ZNF831: variants seen among roughly 807,000 people sequenced by gnomAD.
The protein encoded by ZNF831 is zinc finger protein 831, also known as chromosome 20 open reading frame 174.
In ZNF831, 59 loss-of-function variants were observed where a neutral mutation model predicts 95.8. That is an observed-to-expected ratio of 0.62 (90% CI 0.50 to 0.77). The LOEUF (loss-of-function observed/expected upper bound fraction) is 0.77. ZNF831 is among the 30% of genes least tolerant of loss of function. ZNF831 has a pLI of 0.00. For synonymous variants in ZNF831, 961 were observed against 925.5 expected (o/e 1.04, Z -0.70); for missense variants, 2,205 against 2,164.0 (o/e 1.02, Z -0.38).
chr20:59,163,560 A>C (rs1364324709), upstream of ZNF831, among the ~76,000 whole-genome samples: 1 of 152,082 alleles, frequency 6.6e-6, no homozygotes, highest in Non-Finnish European at 1.5e-5. Context: ...CTCCAGGAAA[A>C]CGACCACCTA....
chr20:59,142,401 C>T (rs907005913), intron 1 of ZNF831, among the ~76,000 whole-genome samples: 3 of 152,190 alleles, frequency 2.0e-5, no homozygotes, highest in Non-Finnish European at 4.4e-5. Flanking sequence ...CCTGAACAGC[C>T]TTCTTTCCTC....
chr20:59,204,158 G>A (rs1214873119), intron 3 of ZNF831, among the ~76,000 whole-genome samples: 3 of 152,178 alleles, frequency 2.0e-5, no homozygotes, highest in Non-Finnish European at 4.4e-5. Context: ...GTCGTTGAAG[G>A]GGAGAGTGGA....
intron 4 of ZNF831, among the ~76,000 whole-genome samples, chr20:59,242,417 GA>G: frequency 1.3e-5 from 2 of 152,274 alleles, no homozygotes; most frequent in Admixed American, 1.3e-4. Context: ...ATATATTTCA[GA>G]AGGTATTTTC....
Position 59,210,958 on chromosome 20 carries a change from G to A in ZNF831, c.4027+3902G>A, listed in dbSNP as rs1241966075. On this transcript the variant is annotated intron_variant, in intron 4 of 5. Coordinates refer to ENST00000371030, the MANE Select transcript of ZNF831 (RefSeq NM_178457.3). The stretch of plus-strand genomic sequence containing the variant: ...TGAGGCAGGAGAATGGCGTGAACCC[G>A]GGAGGCGGAGCTTGCAGTGAGCCGA... Among the ~76,000 whole-genome samples, 7 of 97,148 alleles carry A rather than the reference G, an allele frequency of 7.2e-5. 2 individuals are homozygous for A. The highest frequency in any genetic ancestry group is 3.6e-4 in the African/African-American group (7 of 19,612). 63.7% of individuals were successfully genotyped at this position (97,148 alleles called of 152,430 possible).
rs758408094 is a variant in ZNF831, at chr20:59,193,713, G to A, written c.2694G>A (p.Gly898=). The A allele has an allele frequency of 3.1e-6, 5 of 1,612,508 alleles. No individual in the cohort carries two copies. The South Asian group carries it at 4.4e-5, about 14-fold the overall frequency. ...CTTCTGTTGCCCTGAAGAGGGTGGG[G>A]CCAAGGGACAAGGCTACCCCACTGC... ...AAASVALKRV[G]PRDKATPLHP... The change falls in exon 2 of 6, where the codon GGG becomes GGA. Residue 898 remains glycine, a synonymous_variant. Transcript: ENST00000371030.
At chr20:59,188,582 G>A (rs899271264) in intron 1 of ZNF831, among the ~76,000 whole-genome samples, 18 of 151,808 alleles carry the variant, frequency 1.2e-4, no homozygotes, top group African/African-American at 1.7e-4. Flanking sequence ...GCTTGAACAC[G>A]GGAGGCGGAG....
intron 1 of ZNF831, among the ~76,000 whole-genome samples, chr20:59,165,665 A>G (rs1981197037): frequency 6.6e-6 from 1 of 152,178 alleles, no homozygotes; most frequent in Admixed American, 6.5e-5. Flanking sequence ...GGGCATAGGT[A>G]GGAAGCTTGT....
chr20:59,253,830 G>T, intron 5 of ZNF831, 68 bp from the exon 6 acceptor site: 1 of 1,492,974 alleles, frequency 6.7e-7, no homozygotes, highest in South Asian at 1.3e-5. Context: ...CCACGTTTCT[G>T]ACCACATTTT....
chr20:59,223,528 C>G (rs542180178), intron 4 of ZNF831, among the ~76,000 whole-genome samples: 1 of 152,330 alleles, frequency 6.6e-6, no homozygotes, highest in East Asian at 1.9e-4. Flanking sequence ...GCTACGGGAA[C>G]GGGCCTCGGA....
intron 4 of ZNF831, among the ~76,000 whole-genome samples, chr20:59,210,452 C>T (rs896220996): frequency 2.0e-5 from 3 of 152,178 alleles, no homozygotes; most frequent in African/African-American, 4.8e-5. Context: ...CTGGCTCACA[C>T]GCTGGCCCTG....
Position 59,218,881 on chromosome 20 carries a change from C to T in ZNF831, c.4027+11825C>T, listed in dbSNP as rs568322945. On this transcript the variant is annotated intron_variant, in intron 4 of 5. Coordinates refer to ENST00000371030, the MANE Select transcript of ZNF831 (RefSeq NM_178457.3). Reference sequence around the variant, plus strand: ...TATAAAAATTAGCCGGGTGTAGTGGCATGCACCTGTAGTCCCAGCTACTTG... The same window carrying T: ...TATAAAAATTAGCCGGGTGTAGTGGTATGCACCTGTAGTCCCAGCTACTTG... Among the ~76,000 whole-genome samples the T allele has an allele frequency of 1.9e-4, 29 of 152,170 alleles. No individual in the cohort carries two copies. The South Asian group carries it at 3.1e-3, about 16-fold the overall frequency.
At chr20:59,221,235 T>C (rs1986050610) in intron 4 of ZNF831, among the ~76,000 whole-genome samples, 1 of 152,136 alleles carries the variant, frequency 6.6e-6, no homozygotes, top group Admixed American at 6.5e-5. Context: ...GTCCATACTT[T>C]CCCCAGCAGG....
intron 2 of ZNF831, among the ~76,000 whole-genome samples, chr20:59,155,435 G>C (rs1980484636): frequency 6.6e-6 from 1 of 152,218 alleles, no homozygotes; most frequent in Non-Finnish European, 1.5e-5. Flanking sequence ...CTGGGATTTG[G>C]TGTTTTGGGT....
In ZNF831 at chr20:59,192,631, G is replaced by A. The variant is rs1409992503; in HGVS notation, c.1612G>A (p.Gly538Ser). 3.3e-6 allele frequency: 5 copies of A among 1,498,106 alleles called. No homozygotes were observed. The highest frequency in any genetic ancestry group is 1.4e-5 in the African/African-American group (1 of 71,286). The allele number at this position is 1,498,106 out of a possible 1,614,324, so 92.8% of individuals were successfully genotyped here. Residue 538 changes from glycine (G) to serine (S), a missense_variant, in exon 2 of 6, where the codon GGC becomes AGC. Gly to Ser is a moderately conservative substitution (Grantham distance 56). Coordinates refer to ENST00000371030, the MANE Select transcript of ZNF831 (RefSeq NM_178457.3). This position sits in a 1 kb window ranked among gnomAD's most constrained non-coding sequence, Gnocchi z 5.2. Reference sequence around the variant, plus strand: ...GCAGAAGCCTCTGAGCCCCAGGCCCGGCCCAGCCCGCCTGGGCTGCCGCTC... The same window carrying A: ...GCAGAAGCCTCTGAGCCCCAGGCCCAGCCCAGCCCGCCTGGGCTGCCGCTC... Reference protein sequence around the residue: ...RTQKPLSPRPGPARLGCRSGL... With the variant: ...RTQKPLSPRPSPARLGCRSGL...
chr20:59,195,231 G>A (rs1377878595), intron 2 of ZNF831, among the ~76,000 whole-genome samples: 1 of 152,186 alleles, frequency 6.6e-6, no homozygotes, highest in Non-Finnish European at 1.5e-5. Context: ...TGGGGGCAGA[G>A]AGAAAAGGGG....
At chr20:59,228,902 G>T (rs1000454150) in intron 4 of ZNF831, among the ~76,000 whole-genome samples, 6 of 152,226 alleles carry the variant, frequency 3.9e-5, no homozygotes, top group Admixed American at 2.0e-4. Context: ...TCAAATACTA[G>T]ATTTTATTCT....
intron 4 of ZNF831, among the ~76,000 whole-genome samples, chr20:59,209,905 G>A (rs1358890701): frequency 6.6e-6 from 1 of 152,104 alleles, no homozygotes; most frequent in African/African-American, 2.4e-5. Context: ...CTTGTCTTTG[G>A]ATTTAGGAGC....
intron 4 of ZNF831, among the ~76,000 whole-genome samples, chr20:59,216,007 C>G (rs1178049041): frequency 6.6e-6 from 1 of 152,142 alleles, no homozygotes; most frequent in African/African-American, 2.4e-5. Flanking sequence ...AGCACCTAGT[C>G]GAGACTTTCT....
At chr20:59,166,888 C>T (rs1981311182) in intron 1 of ZNF831, among the ~76,000 whole-genome samples, 1 of 152,236 alleles carries the variant, frequency 6.6e-6, no homozygotes. Flanking sequence ...GCTTTAGAAA[C>T]ATTCATGTAC....
Sources: gnomAD v4.1 joint callset for allele counts (sites outside exome capture counted in the v4.1 genomes callset) on GRCh38, gnomAD v4.1.1 for gene constraint, Gnocchi (gnomAD v3.1) non-coding constraint, MANE v1.5 for transcripts, NCBI Gene and HGNC (gene_info 2026-07-23, HGNC 2026-07-21) for gene names.